MTCH2: variants seen among roughly 807,000 people sequenced by gnomAD.
MTCH2 encodes mitochondrial carrier 2.
In MTCH2, 25 loss-of-function variants were observed where a neutral mutation model predicts 50.6. That is an observed-to-expected ratio of 0.49 (90% CI 0.36 to 0.69). MTCH2 has a LOEUF of 0.69. Among genes scored for constraint, MTCH2 ranks in the 30% least tolerant of loss-of-function variants. The pLI is 0.00. For missense variants in MTCH2, 273 were observed against 384.4 expected (o/e 0.71, Z 2.42); for synonymous variants, 106 against 132.0 (o/e 0.80, Z 1.35).
intron 9 of MTCH2, 121 bp from the exon 10 acceptor site, chr11:47,627,248 A>T (rs2097299028): frequency 3.0e-6 from 2 of 661,992 alleles, no homozygotes; most frequent in Non-Finnish European, 2.5e-6. Context: ...TCTGTCACCC[A>T]GGCTGAAGTG....
chr11:47,635,445 T>C (rs1269768884), intron 4 of MTCH2, 100 bp downstream of exon 4: 38 of 1,312,964 alleles, frequency 2.9e-5, no homozygotes, highest in Middle Eastern at 3.7e-4. Context: ...CTGAGATGAA[T>C]AGGAGACTGA....
At chr11:47,610,681 G>C in the MTCH2 span, among the ~76,000 whole-genome samples, 3 of 152,174 alleles carry the variant, frequency 2.0e-5, no homozygotes, top group Admixed American at 1.3e-4. Flanking sequence ...CTCCAGCCTG[G>C]GCGAAAGGGC....
intron 1 of MTCH2, 119 bp downstream of exon 1, chr11:47,642,260 G>C (rs1202949279): frequency 1.3e-5 from 11 of 848,270 alleles, no homozygotes; most frequent in Non-Finnish European, 2.0e-5. Flanking sequence ...GGGCAGCGGA[G>C]GAGCAGCAGC....
the MTCH2 span, among the ~76,000 whole-genome samples, chr11:47,608,309 C>T: frequency 6.6e-6 from 1 of 152,190 alleles, no homozygotes; most frequent in Non-Finnish European, 1.5e-5. Flanking sequence ...TTCCATGTCA[C>T]ATCTCTTAGC....
At chr11:47,625,608 C>T (rs2097297353) in intron 11 of MTCH2, 66 bp downstream of exon 11, 3 of 1,029,768 alleles carry the variant, frequency 2.9e-6, no homozygotes, top group Non-Finnish European at 3.9e-6. Context: ...TAAATTTCTA[C>T]AAGGCTGCTC....
chr11:47,632,155 C>T (rs972787974), intron 5 of MTCH2, among the ~76,000 whole-genome samples: 36 of 152,036 alleles, frequency 2.4e-4, no homozygotes, highest in Non-Finnish European at 5.9e-5. Context: ...TTAGTCTCTA[C>T]TCACATTTTT....
At chr11:47,630,025 T>A (rs914366817) in intron 8 of MTCH2, among the ~76,000 whole-genome samples, 13 of 152,096 alleles carry the variant, frequency 8.5e-5, no homozygotes, top group Admixed American at 4.6e-4. Context: ...CTTATTTATT[T>A]ATTAATTATT....
chr11:47,615,992 CTT>C (rs758519129), downstream of MTCH2, among the ~76,000 whole-genome samples: 5 of 152,120 alleles, frequency 3.3e-5, no homozygotes, highest in African/African-American at 7.2e-5. Flanking sequence ...CAGTTTCACT[CTT>C]GTTGCCTAGG....
Position 47,631,090 on chromosome 11 carries a change from G to A in MTCH2, c.428-3C>T. ...TACCATAGATCTCAGAGTGATCACT[G>A]TGGAATATAGAGAAAAGATGTTTAC... On this transcript the variant is annotated splice_polypyrimidine_tract_variant and splice_region_variant and intron_variant, in intron 6 of 12. Coordinates refer to ENST00000302503, the MANE Select transcript of MTCH2 (RefSeq NM_014342.4). 1 of 1,611,266 alleles carries A rather than the reference G, an allele frequency of 6.2e-7. No homozygotes were observed. Among genetic ancestry groups the A allele is most frequent in the Non-Finnish European group, 8.5e-7 (1 of 1,177,648 alleles).
intron 12 of MTCH2, among the ~76,000 whole-genome samples, chr11:47,619,290 G>A (rs959026086): frequency 7.2e-5 from 11 of 152,110 alleles, no homozygotes; most frequent in African/African-American, 2.7e-4. Context: ...AGGCTGTAGT[G>A]CAGTGGTGCA....
intron 3 of MTCH2, among the ~76,000 whole-genome samples, 143 bp downstream of exon 3, chr11:47,638,545 CAAAAAAAAAAA>C (rs59317101): frequency 1.9e-5 from 1 of 53,068 alleles, no homozygotes; most frequent in South Asian, 1.1e-3. Flanking sequence ...GACTCCATCT[CAAAAAAAAAAA>C]AAAAAAAAAA....
chr11:47,634,644 ACAGCACAGGATGTAATTCATCT>A lies in MTCH2; in HGVS notation c.369+6_369+27del. ...CAACACCACAGTTTGATCTGGGCAA[ACAGCACAGGATGTAATTCATCT>A]CTTACCTCCTTGATAACGTGGTCAA... On this transcript the variant is annotated splice_donor_region_variant and intron_variant, in intron 5 of 12. Coordinates refer to ENST00000302503, the MANE Select transcript of MTCH2 (RefSeq NM_014342.4). 1 of 1,571,700 alleles carries A rather than the reference ACAGCACAGGATGTAATTCATCT, an allele frequency of 6.4e-7. No homozygotes were observed. Among genetic ancestry groups the A allele is most frequent in the Non-Finnish European group, 8.7e-7 (1 of 1,146,154 alleles).
intron 8 of MTCH2, among the ~76,000 whole-genome samples, chr11:47,629,650 A>G (rs912858919): frequency 6.6e-6 from 1 of 152,126 alleles, no homozygotes; most frequent in Non-Finnish European, 1.5e-5. Flanking sequence ...CAGAGCATCA[A>G]TGTTTTTTAA....
In MTCH2 at chr11:47,618,600, A is replaced by C; in HGVS notation, c.*233T>G. The C allele has an allele frequency of 2.0e-6, 1 of 489,402 alleles. No individual in the cohort carries two copies. 30.3% of individuals were successfully genotyped at this position (489,402 alleles called of 1,614,324 possible). On this transcript the variant is annotated 3_prime_UTR_variant, in exon 13 of 13. Coordinates refer to ENST00000302503, the MANE Select transcript of MTCH2 (RefSeq NM_014342.4). ...TTTTTTTCCCTTCTGGTTAAGTAAA[A>C]TAAGAATTTGGAGCAAAAATATCCT... is the stretch of plus-strand genomic sequence containing the variant.
At chr11:47,623,327 G>A (rs1405866635) in intron 11 of MTCH2, among the ~76,000 whole-genome samples, 1 of 138,478 alleles carries the variant, frequency 7.2e-6, no homozygotes, top group Non-Finnish European at 1.5e-5. Flanking sequence ...AGCCAAGATT[G>A]CACTACTGCA....
the MTCH2 span, among the ~76,000 whole-genome samples, chr11:47,605,837 ATAAG>A: frequency 6.6e-6 from 1 of 152,248 alleles, no homozygotes; most frequent in Non-Finnish European, 1.5e-5. Flanking sequence ...TTCTGAGTAA[ATAAG>A]TAACAAATTA....
chr11:47,632,482 T>G (rs1006125035), intron 5 of MTCH2, among the ~76,000 whole-genome samples: 1 of 151,796 alleles, frequency 6.6e-6, no homozygotes. Flanking sequence ...GCCTCCCAAG[T>G]AGCTGGGACT....
chr11:47,628,979 C>A lies in MTCH2; in HGVS notation c.607G>T (p.Val203Phe). ...LWLCNSLAYL[V>F]NTYALDSGVS... is the part of the protein sequence containing the mutation. Reference sequence around the variant, plus strand: ...CCACTGTCCAGTGCATAGGTATTGACGAGGTAGGCCAGTGAGTTACACAGC... The same window carrying A: ...CCACTGTCCAGTGCATAGGTATTGAAGAGGTAGGCCAGTGAGTTACACAGC... Residue 203 changes from valine to phenylalanine, a missense_variant, in exon 9 of 13, where the codon GTC becomes TTC. By Grantham distance (50) the Val-to-Phe change is conservative (BLOSUM62 -1). Coordinates refer to ENST00000302503, the MANE Select transcript of MTCH2 (RefSeq NM_014342.4). The A allele has an allele frequency of 6.2e-7, 1 of 1,613,576 alleles. No homozygotes were observed. The highest frequency in any genetic ancestry group is 8.5e-7 in the Non-Finnish European group (1 of 1,179,862).
chr11:47,632,873 T>C (rs1319207521), intron 5 of MTCH2, among the ~76,000 whole-genome samples: 1 of 150,764 alleles, frequency 6.6e-6, no homozygotes, highest in Non-Finnish European at 1.5e-5. Flanking sequence ...TAATTTTTTT[T>C]GTATTTTTAG....
Sources: allele counts gnomAD v4.1 joint callset (sites outside exome capture counted in the v4.1 genomes callset), GRCh38; gene constraint gnomAD v4.1.1; transcripts MANE v1.5; gene names NCBI Gene and HGNC (gene_info 2026-07-23, HGNC 2026-07-21).